Variants in TTLL3 observed in about 807,000 individuals in gnomAD.
TTLL3 encodes tubulin tyrosine ligase like 3, also known as tubulin monoglycylase TTLL3.
A neutral mutation model predicts 75.2 loss-of-function variants in TTLL3; 63 were observed. The ratio of observed to expected loss-of-function variants is 0.84; its 90% confidence interval spans 0.68 to 1.03. TTLL3 has a LOEUF of 1.03. Ranked by LOEUF, TTLL3 falls within the 50% of genes least tolerant of loss-of-function variation. The pLI is 0.00. For missense variants in TTLL3, 997 were observed against 1,069.9 expected (o/e 0.93, Z 0.95); for synonymous variants, 393 against 418.5 (o/e 0.94, Z 0.74).
In TTLL3 at chr3:9,810,574, A is replaced by T. The variant is rs1265676857; in HGVS notation, c.-41-47A>T. On this transcript the variant is annotated intron_variant, in intron 1 of 13. Coordinates refer to ENST00000685419, the MANE Select transcript of TTLL3 (RefSeq NM_001387446.1). The surrounding 1 kb of genome is among the most constrained non-coding windows in gnomAD (Gnocchi z 4.4). ...AGAAAAGATCCTAGGCCGAGACCCT[A>T]GGCCCAGCCTCAGTGTACCCCGCCC... 6.5e-7 allele frequency: 1 copy of T among 1,540,430 alleles called. No homozygotes were observed. The highest frequency in any genetic ancestry group is 2.0e-5 in the Admixed American group (1 of 49,042).
Position 9,817,408 on chromosome 3 carries a change from A to G in TTLL3, c.445-237A>G, listed in dbSNP as rs2079982773. 3.1e-6 allele frequency: 3 copies of G among 977,414 alleles called. No individual in the cohort carries two copies. In the South Asian group the frequency reaches 1.4e-4, roughly 46 times the overall value. The allele number at this position is 977,414 out of a possible 1,614,324, so 60.5% of individuals were successfully genotyped here. A position where few individuals can be genotyped will look rare whatever the true frequency, so the allele number is the denominator to read the frequency against. On this transcript the variant is annotated intron_variant, in intron 5 of 13. Transcript: ENST00000685419. ...CACTGCACTCCAGCCTGGGTGACAG[A>G]GTGAGACTCCATCTCAAAAAAAAAA...
At chr3:9,816,976 T>C (rs2079932750) in intron 5 of TTLL3, among the ~76,000 whole-genome samples, 1 of 152,152 alleles carries the variant, frequency 6.6e-6, no homozygotes, top group Admixed American at 6.5e-5. Flanking sequence ...AAGCAGCTCT[T>C]TTTTTATTTT....
Position 9,833,217 on chromosome 3 carries a change from T to C in TTLL3, c.1797T>C (p.Pro599=). Residue 599 remains proline (P), a synonymous_variant, in exon 12 of 14, where the codon CCT becomes CCC. Coordinates refer to ENST00000685419, the MANE Select transcript of TTLL3 (RefSeq NM_001387446.1). ...GGATGGGGGTCCGCCCAGCAGTCCC[T>C]CTGCTGACCCAGCGAGGCTCTGGGG... ...HRRMGVRPAV[P]LLTQRGSGEA... is the part of the protein sequence containing the mutation. The C allele has an allele frequency of 6.2e-7, 1 of 1,613,966 alleles. No individual in the cohort carries two copies. The highest frequency in any genetic ancestry group is 8.5e-7 in the Non-Finnish European group (1 of 1,179,924).
At chr3:9,831,810 T>C (rs1159908356) in intron 11 of TTLL3, among the ~76,000 whole-genome samples, 2 of 150,726 alleles carry the variant, frequency 1.3e-5, no homozygotes, top group Non-Finnish European at 3.0e-5. Context: ...TTTTTTTTTT[T>C]TTTTTTTAGA....
intron 6 of TTLL3, chr3:9,818,535 AT>A: frequency 1.6e-6 from 1 of 627,272 alleles, no homozygotes; most frequent in Non-Finnish European, 2.2e-6. Context: ...CGCCTGGCTA[AT>A]TTTTTGTATT....
upstream of TTLL3, chr3:9,810,260 G>T (rs1575343909): frequency 6.6e-7 from 1 of 1,508,638 alleles, no homozygotes; most frequent in East Asian, 2.7e-5. This position sits in a 1 kb window ranked among gnomAD's most constrained non-coding sequence, Gnocchi z 4.4. Flanking sequence ...TGCCAGGCGG[G>T]CAGCCCCGCC....
intron 8 of TTLL3, among the ~76,000 whole-genome samples, chr3:9,823,413 T>G (rs1054814228): frequency 1.3e-5 from 2 of 151,106 alleles, no homozygotes; most frequent in Admixed American, 6.6e-5. Flanking sequence ...TTTTTTTTTT[T>G]TTTTTTTTTT....
At chr3:9,814,153 TAAAA>T (rs985726317) in intron 4 of TTLL3, among the ~76,000 whole-genome samples, 3 of 149,744 alleles carry the variant, frequency 2.0e-5, no homozygotes, top group Admixed American at 6.7e-5. Flanking sequence ...AACAAACAAA[TAAAA>T]AAACAAACAA....
intron 8 of TTLL3, among the ~76,000 whole-genome samples, chr3:9,821,579 A>G (rs2080412420): frequency 1.3e-5 from 2 of 152,206 alleles, no homozygotes. Flanking sequence ...AATGAATGAC[A>G]TGAGCAGCAG....
At chr3:9,818,616 C>A in intron 6 of TTLL3, 3 of 1,376,950 alleles carry the variant, frequency 2.2e-6, no homozygotes, top group Non-Finnish European at 2.8e-6. Flanking sequence ...GATCCATCCA[C>A]CTCAGCCTCC....
intron 10 of TTLL3, 62 bp from the exon 11 acceptor site, chr3:9,828,898 C>G (rs907986424): frequency 6.3e-7 from 1 of 1,590,966 alleles, no homozygotes; most frequent in Middle Eastern, 1.7e-4. Flanking sequence ...TGCCTGTCCT[C>G]CCTGAGTTTG....
chr3:9,810,099 C>G (rs750940298), upstream of TTLL3: 2 of 1,428,042 alleles, frequency 1.4e-6, no homozygotes, highest in South Asian at 2.7e-5. This position sits in a 1 kb window ranked among gnomAD's most constrained non-coding sequence, Gnocchi z 4.4. Flanking sequence ...AGGAGGGCGG[C>G]GCGGTGTGCA....
intron 4 of TTLL3, 67 bp downstream of exon 4, chr3:9,813,412 C>T: frequency 6.4e-7 from 1 of 1,569,406 alleles, no homozygotes; most frequent in South Asian, 1.1e-5. Context: ...TGGTGTCCAG[C>T]TGGGTGACCT....
chr3:9,829,438 C>G (rs765839801), intron 11 of TTLL3, 43 bp downstream of exon 11: 1 of 1,540,844 alleles, frequency 6.5e-7, no homozygotes. Flanking sequence ...GAGTCTGCAC[C>G]CTCTTCCAGG....
Position 9,818,802 on chromosome 3 carries a change from A to G in TTLL3, c.560-20A>G. ...CTCAAGCCTAGGGGCTGAGCAGGGT[A>G]TCCCCTGGCCTGGGAGCAGAGGACT... On this transcript the variant is annotated intron_variant, in intron 6 of 13. Transcript: ENST00000685419. 6.2e-7 allele frequency: 1 copy of G among 1,613,954 alleles called. No individual in the cohort carries two copies. Among genetic ancestry groups the G allele is most frequent in the Non-Finnish European group, 8.5e-7 (1 of 1,179,984 alleles).
At chr3:9,825,421 T>C (rs977226017) in intron 8 of TTLL3, 2 of 282,318 alleles carry the variant, frequency 7.1e-6, no homozygotes, top group African/African-American at 4.5e-5. Context: ...TTCGTGAAAA[T>C]ATATGGAAAG....
At chr3:9,824,140 G>A (rs2080788653) in intron 8 of TTLL3, among the ~76,000 whole-genome samples, 1 of 152,162 alleles carries the variant, frequency 6.6e-6, no homozygotes, top group African/African-American at 2.4e-5. Flanking sequence ...TGTAGTTAGG[G>A]GATTCAGACA....
Position 9,835,811 on chromosome 3 carries a change from C to T in TTLL3, c.*322C>T, listed in dbSNP as rs966322676. The stretch of plus-strand genomic sequence containing the variant: ...GCCATGAGACAGGGGAAGGAATTGG[C>T]CTTGCCTAAACCTCAGCCCTTCTGC... On this transcript the variant is annotated 3_prime_UTR_variant, in exon 14 of 14. Transcript: ENST00000685419. 3.2e-6 allele frequency: 1 copy of T among 310,416 alleles called. No individual in the cohort carries two copies. The highest frequency in any genetic ancestry group is 5.9e-6 in the Non-Finnish European group (1 of 168,606). The allele number at this position is 310,416 out of a possible 1,614,324, so 19.2% of individuals were successfully genotyped here.
At chr3:9,820,989 G>A (rs1200895455) in intron 8 of TTLL3, 2 of 506,072 alleles carry the variant, frequency 4.0e-6, no homozygotes, top group Non-Finnish European at 6.8e-6. Flanking sequence ...TACCCAAAGT[G>A]TGTGTTGTGT....
Sources: allele counts gnomAD v4.1 joint callset (sites outside exome capture counted in the v4.1 genomes callset), GRCh38; gene constraint gnomAD v4.1.1; non-coding constraint Gnocchi (gnomAD v3.1); transcripts MANE v1.5; gene names NCBI Gene and HGNC (gene_info 2026-07-23, HGNC 2026-07-21).